AGBL4: variants seen among roughly 807,000 people sequenced by gnomAD.
AGBL4 encodes AGBL carboxypeptidase 4, also known as cytosolic carboxypeptidase 6.
Under a neutral mutation model 66.4 loss-of-function variants are expected in AGBL4, and 58 were observed. The ratio of observed to expected loss-of-function variants is 0.87; its 90% CI spans 0.71 to 1.09. The LOEUF (loss-of-function observed/expected upper bound fraction) is 1.09. Among genes scored for constraint, AGBL4 ranks in the 50% least tolerant of loss-of-function variants. The probability of loss-of-function intolerance (pLI) is 0.00; values close to 1 mark genes in which losing one functional copy is unlikely to be tolerated. For missense variants in AGBL4, 579 were observed against 631.0 expected (o/e 0.92, Z 0.88); for synonymous variants, 234 against 222.9 (o/e 1.05, Z -0.44).
chr1:49,555,257 CT>C (rs1377814419), intron 3 of AGBL4, among the ~76,000 whole-genome samples: 1 of 150,846 alleles, frequency 6.6e-6, no homozygotes, highest in Non-Finnish European at 1.5e-5. Flanking sequence ...ATTGACAATC[CT>C]TTAGCTAGAC....
intron 3 of AGBL4, among the ~76,000 whole-genome samples, chr1:49,439,906 C>T (rs1645987436): frequency 6.6e-6 from 1 of 152,046 alleles, no homozygotes; most frequent in Non-Finnish European, 1.5e-5. Flanking sequence ...TATCTCTATC[C>T]TATTAGTTCT....
At chr1:49,348,075 A>C (rs1293348680) in intron 3 of AGBL4, among the ~76,000 whole-genome samples, 1 of 152,058 alleles carries the variant, frequency 6.6e-6, no homozygotes, top group Non-Finnish European at 1.5e-5. Context: ...TTGGGACATT[A>C]TTCTGGACTA....
intron 2 of AGBL4, among the ~76,000 whole-genome samples, chr1:49,763,958 G>C (rs531264112): frequency 5.9e-5 from 9 of 152,260 alleles, no homozygotes; most frequent in African/African-American, 7.2e-5. Context: ...TGCAAGGCTT[G>C]CTGGCTTGGG....
intron 4 of AGBL4, among the ~76,000 whole-genome samples, chr1:49,221,450 A>G (rs1388606806): frequency 1.3e-5 from 2 of 152,144 alleles, no homozygotes; most frequent in Admixed American, 6.6e-5. Context: ...TGGCTTCCTC[A>G]TCCTTAAGAA....
At chr1:48,833,757 A>G (rs1303340626) in intron 6 of AGBL4, among the ~76,000 whole-genome samples, 1 of 152,204 alleles carries the variant, frequency 6.6e-6, no homozygotes, top group East Asian at 1.9e-4. Context: ...GACAGAATGA[A>G]GCATGGTTGT....
intron 5 of AGBL4, among the ~76,000 whole-genome samples, chr1:49,032,289 C>T (rs528730489): frequency 3.3e-5 from 5 of 152,098 alleles, no homozygotes; most frequent in South Asian, 4.2e-4. Context: ...TCATGGATAG[C>T]GAAATCATTG....
Position 48,663,170 on chromosome 1 carries a change from A to AG in AGBL4, c.705dup (p.Ser236LeufsTer10). The AG allele has an allele frequency of 5.6e-6, 9 of 1,613,940 alleles. No homozygotes were observed. The highest frequency in any genetic ancestry group is 7.6e-6 in the Non-Finnish European group (9 of 1,179,860). On this transcript the variant is annotated frameshift_variant, in exon 7 of 14. Transcript: ENST00000371839. LOFTEE classifies it high-confidence loss of function. ...CACTCACCTTGGCACACAAATGATG[A>AG]GGGTGTTTCCCCTGGGTGGACTCGT...
At position 48,661,246 on chromosome 1, in the gene AGBL4, G is replaced by A. The variant is rs556889968; in HGVS notation, c.724+1906C>T. Among the ~76,000 whole-genome samples the A allele has an allele frequency of 3.3e-5, 5 of 152,324 alleles. No individual in the cohort carries two copies. In the South Asian group the frequency reaches 1.0e-3, roughly 32 times the overall value. ...CAAAGCAGGTGGCAGGAGGGAGTGG[G>A]CCAGGGAGGCCCACAGTGGGGGCAC... On this transcript the variant is annotated intron_variant, in intron 7 of 13. Transcript: ENST00000371839.
rs564833259 is a variant in AGBL4 at position 48,563,795 on chromosome 1, G to A, written c.1267+23209C>T. Among the ~76,000 whole-genome samples, 11 of 152,310 alleles carry A rather than the reference G, an allele frequency of 7.2e-5. 2 individuals are homozygous for A. The highest frequency in any genetic ancestry group is 2.6e-4 in the African/African-American group (11 of 41,570). On this transcript the variant is annotated intron_variant, in intron 11 of 13. Transcript: ENST00000371839. ...AAGCCTCAGCATTCTGATCTGTGAA[G>A]TCAGGCCTAGCTGTAAAAGTTTAAA...
intron 11 of AGBL4, among the ~76,000 whole-genome samples, chr1:48,547,065 G>A (rs1426855087): frequency 6.6e-6 from 1 of 152,066 alleles, no homozygotes; most frequent in African/African-American, 2.4e-5. Flanking sequence ...AGGGTCCTCG[G>A]GTGAGAGACG....
At chr1:48,873,109 T>G (rs1365114216) in intron 5 of AGBL4, among the ~76,000 whole-genome samples, 1 of 152,198 alleles carries the variant, frequency 6.6e-6, no homozygotes, top group Non-Finnish European at 1.5e-5. Flanking sequence ...CTTTCTAGAA[T>G]GCACATCTTA....
intron 1 of AGBL4, among the ~76,000 whole-genome samples, chr1:49,957,991 CTGGTACCGGTTGT>C (rs1656775021): frequency 6.6e-6 from 1 of 152,028 alleles, no homozygotes; most frequent in African/African-American, 2.4e-5. Flanking sequence ...TTTGCAGTGG[CTGGTACCGGTTGT>C]TCCTTTCCAT....
chr1:48,799,778 C>A (rs775043226), intron 6 of AGBL4, among the ~76,000 whole-genome samples: 1 of 152,082 alleles, frequency 6.6e-6, no homozygotes, highest in Non-Finnish European at 1.5e-5. Flanking sequence ...GTCTTTAATT[C>A]TGCTTATGTG....
chr1:48,917,125 C>T (rs543298632), intron 5 of AGBL4, among the ~76,000 whole-genome samples: 105 of 152,098 alleles, frequency 6.9e-4, no homozygotes, highest in South Asian at 1.7e-3. Context: ...TTTGGGAAAA[C>T]GTATTTTGCC....
intron 1 of AGBL4, among the ~76,000 whole-genome samples, chr1:49,989,946 T>C (rs2148400988): frequency 6.6e-6 from 1 of 152,280 alleles, no homozygotes; most frequent in Non-Finnish European, 1.5e-5. Flanking sequence ...TACATAATTT[T>C]CCATAATTTC....
At chr1:49,418,069 CT>C (rs1405083376) in intron 3 of AGBL4, among the ~76,000 whole-genome samples, 1 of 152,068 alleles carries the variant, frequency 6.6e-6, no homozygotes, top group Non-Finnish European at 1.5e-5. Flanking sequence ...CTTGGATTAC[CT>C]TTTTACTGTA....
intron 3 of AGBL4, among the ~76,000 whole-genome samples, chr1:49,472,384 A>G (rs560023620): frequency 1.3e-5 from 2 of 152,202 alleles, no homozygotes; most frequent in East Asian, 3.9e-4. Context: ...ATTATCTGGC[A>G]ACGATTTTAA....
At chr1:49,506,149 T>G (rs1648663115) in intron 3 of AGBL4, among the ~76,000 whole-genome samples, 1 of 151,976 alleles carries the variant, frequency 6.6e-6, no homozygotes, top group African/African-American at 2.4e-5. Context: ...GTCAGCGAAC[T>G]TTTTGTATAA....
chr1:49,557,232 G>A lies in AGBL4; in HGVS notation c.282+140081C>T, dbSNP rs896091144. 6.6e-5 allele frequency among the ~76,000 whole-genome samples: 10 copies of A among 152,244 alleles called. No homozygotes were observed. The South Asian group carries it at 1.9e-3, about 28-fold the overall frequency. The stretch of plus-strand genomic sequence containing the variant: ...TGAGGCCTGAGGAGGTGCTGAGAGC[G>A]AGCGAGGGCTGCTAGCATGTTGTCA... On this transcript the variant is annotated intron_variant, in intron 3 of 13. Transcript: ENST00000371839.
Sources: allele counts gnomAD v4.1 joint callset (sites outside exome capture counted in the v4.1 genomes callset), GRCh38; gene constraint gnomAD v4.1.1; transcripts MANE v1.5; gene names NCBI Gene and HGNC (gene_info 2026-07-23, HGNC 2026-07-21).